Variants in EDA2R observed in about 807,000 individuals in gnomAD.
EDA2R encodes the protein ectodysplasin A2 receptor.
Under a neutral mutation model 20.1 loss-of-function variants are expected in EDA2R, and 26 were observed. The observed-to-expected ratio is 1.30, with a 90% CI of 0.95 to 1.80. EDA2R has a LOEUF of 1.80. EDA2R is among the 40% of genes most tolerant of loss of function. The pLI is 0.00. For synonymous variants in EDA2R, 114 were observed against 88.7 expected (o/e 1.29, Z -1.60); for missense variants, 277 against 228.7 (o/e 1.21, Z -1.36).
chrX:66,600,857 A>C (rs1928463995), intron 5 of EDA2R, among the ~76,000 whole-genome samples: 1 of 112,033 alleles, frequency 8.9e-6, no homozygotes, highest in African/African-American at 3.2e-5. Flanking sequence ...CAGATTTCTG[A>C]ATTCTCTTGA....
chrX:66,615,093 G>A (rs1388256485), intron 2 of EDA2R, among the ~76,000 whole-genome samples: 1 of 111,257 alleles, frequency 9.0e-6, no homozygotes, highest in East Asian at 2.8e-4. Flanking sequence ...TTCATATCCA[G>A]ATTCTTCATT....
Position 66,598,075 on chromosome X carries a change from T to C in EDA2R, c.*29A>G, listed in dbSNP as rs1927778469. 1.0e-6 allele frequency: 1 copy of C among 961,664 alleles called. No individual in the cohort carries two copies. Among genetic ancestry groups the C allele is most frequent in the African/African-American group, 2.0e-5 (1 of 49,820 alleles). The allele number at this position is 961,664 out of a possible 1,213,427, so 79.3% of individuals were successfully genotyped here. On this transcript the variant is annotated 3_prime_UTR_variant, in exon 7 of 7. Coordinates refer to ENST00000374719, the MANE Select transcript of EDA2R (RefSeq NM_021783.5). ...TCCAGAGAGAACAACTGGGCAAGGC[T>C]GCCAGGGGCCCAAGAGACCTAAGGA...
chrX:66,614,956 G>C (rs1189109231), intron 2 of EDA2R, among the ~76,000 whole-genome samples: 1 of 111,023 alleles, frequency 9.0e-6, no homozygotes, highest in Non-Finnish European at 1.9e-5. Context: ...AAAATGCCTA[G>C]TTCATTTTCA....
chrX:66,612,340 C>G (rs1431973900), intron 2 of EDA2R, among the ~76,000 whole-genome samples: 1 of 111,357 alleles, frequency 9.0e-6, no homozygotes, highest in Non-Finnish European at 1.9e-5. Context: ...TAGTAGATGA[C>G]TAAAACAAAT....
chrX:66,604,646 T>C (rs997173317), intron 3 of EDA2R, 140 bp from the exon 4 acceptor site: 1 of 517,812 alleles, frequency 1.9e-6, no homozygotes, highest in Non-Finnish European at 3.1e-6. Flanking sequence ...TATCTGCCTC[T>C]GTGTCTTTTT....
At chrX:66,604,390 G>A in intron 4 of EDA2R, 31 bp downstream of exon 4, 2 of 1,182,000 alleles carry the variant, frequency 1.7e-6, no homozygotes, top group Non-Finnish European at 2.3e-6. Context: ...ATGGGATGAG[G>A]AGAAAGGGAA....
intron 1 of EDA2R, among the ~76,000 whole-genome samples, chrX:66,628,885 C>T (rs1211290110): frequency 9.0e-6 from 1 of 110,787 alleles, no homozygotes; most frequent in African/African-American, 3.3e-5. Flanking sequence ...AAGGACATAA[C>T]CAAAACAGAA....
chrX:66,597,709 G>T lies in EDA2R; in HGVS notation c.*395C>A, dbSNP rs189490989. ...TGTGGAGGAGCTAAAAGGGGAGAAGGGTTTGATTTTGTCCCTAAAGTGCTA... is the reference window on the plus strand; with the variant it reads ...TGTGGAGGAGCTAAAAGGGGAGAAGTGTTTGATTTTGTCCCTAAAGTGCTA... On this transcript the variant is annotated 3_prime_UTR_variant, in exon 7 of 7. Transcript: ENST00000374719. 8 of 135,187 alleles carry T rather than the reference G, an allele frequency of 5.9e-5. No homozygotes were observed. The highest frequency in any genetic ancestry group is 1.0e-4 in the Non-Finnish European group (7 of 67,976). The allele number at this position is 135,187 out of a possible 1,213,427, so 11.1% of individuals were successfully genotyped here.
Position 66,599,677 on chromosome X carries a change from A to G in EDA2R, c.701T>C (p.Phe234Ser). The change falls in exon 6 of 7, where the codon TTT (phenylalanine) becomes TCT (serine). Residue 234 changes from phenylalanine to serine, a missense_variant. By Grantham distance (155) the Phe-to-Ser change is radical (BLOSUM62 -2). Coordinates refer to ENST00000374719, the MANE Select transcript of EDA2R (RefSeq NM_021783.5). The part of the protein sequence containing the change: ...STSGFPTQES[F>S]TMASCTSESH... The stretch of plus-strand genomic sequence containing the variant: ...CTCTGAGGTGCAGGAGGCCATGGTA[A>G]AGGACTCCTGTGTGGGGAAGCCACT... 8.3e-7 allele frequency: 1 copy of G among 1,208,795 alleles called. No individual in the cohort carries two copies. The highest frequency in any genetic ancestry group is 1.1e-6 in the Non-Finnish European group (1 of 894,286).
chrX:66,616,147 G>A, intron 1 of EDA2R, 117 bp from the exon 2 acceptor site: 1 of 480,460 alleles, frequency 2.1e-6, no homozygotes, highest in Non-Finnish European at 3.7e-6. Flanking sequence ...GAGATAGTAG[G>A]GACGAGGAAG....
Position 66,596,401 on chromosome X carries a change from T to C in EDA2R, c.*1703A>G, listed in dbSNP as rs749236762. The C allele has an allele frequency of 5.4e-5, 6 of 111,825 alleles. No individual in the cohort carries two copies. In the East Asian group the frequency reaches 1.1e-3, roughly 21 times the overall value. The allele number at this position is 111,825 out of a possible 1,213,427, so 9.2% of individuals were successfully genotyped here. On this transcript the variant is annotated 3_prime_UTR_variant, in exon 7 of 7. Coordinates refer to ENST00000374719, the MANE Select transcript of EDA2R (RefSeq NM_021783.5). ...ATGCAAAGCCAATTGCCACCTCCAA[T>C]TGCTGAACCTCAAAAAGTTGGAATT... is the stretch of plus-strand genomic sequence containing the variant.
chrX:66,630,664 G>T (rs1255836427), intron 1 of EDA2R, among the ~76,000 whole-genome samples: 1 of 110,754 alleles, frequency 9.0e-6, no homozygotes, highest in Non-Finnish European at 1.9e-5. Context: ...TTGCAAAAAT[G>T]GCCATAATCC....
In EDA2R at chrX:66,597,286, G is replaced by A. The variant is rs989496512; in HGVS notation, c.*818C>T. The A allele has an allele frequency of 1.4e-4, 16 of 112,101 alleles. No individual in the cohort carries two copies. The highest frequency in any genetic ancestry group is 4.9e-4 in the African/African-American group (15 of 30,858). 9.2% of individuals were successfully genotyped at this position (112,101 alleles called of 1,213,427 possible). ...AGGGGAACGGTGGTGAGAAAGCTGG[G>A]ATTGAATTGACATTTCAATAGAAAG... is the stretch of plus-strand genomic sequence containing the variant. On this transcript the variant is annotated 3_prime_UTR_variant, in exon 7 of 7. Coordinates refer to ENST00000374719, the MANE Select transcript of EDA2R (RefSeq NM_021783.5).
At chrX:66,599,947 A>G in intron 5 of EDA2R, 87 bp from the exon 6 acceptor site, 2 of 1,145,296 alleles carry the variant, frequency 1.7e-6, no homozygotes, top group South Asian at 4.1e-5. Flanking sequence ...CAAGACAGGT[A>G]AAGGTCTGGG....
In EDA2R at chrX:66,597,916, T is replaced by A; in HGVS notation, c.*188A>T. 1 of 563,536 alleles carries A rather than the reference T, an allele frequency of 1.8e-6. No individual in the cohort carries two copies. Among genetic ancestry groups the A allele is most frequent in the Non-Finnish European group, 2.4e-6 (1 of 423,410 alleles). The allele number at this position is 563,536 out of a possible 1,213,427, so 46.4% of individuals were successfully genotyped here. A position where few individuals can be genotyped will look rare whatever the true frequency, so the allele number is the denominator to read the frequency against. On this transcript the variant is annotated 3_prime_UTR_variant, in exon 7 of 7. Transcript: ENST00000374719. Reference sequence around the variant, plus strand: ...ACTACAAAAGGGAAGCAAGAAATGCTCCAGATCAGTCCTTGTGAAATGGAG... The same window carrying A: ...ACTACAAAAGGGAAGCAAGAAATGCACCAGATCAGTCCTTGTGAAATGGAG...
chrX:66,595,956 G>GA lies in EDA2R; in HGVS notation c.*2147dup, dbSNP rs1290250827. The GA allele has an allele frequency of 9.3e-6, 1 of 106,963 alleles. No homozygotes were observed. Among genetic ancestry groups the GA allele is most frequent in the East Asian group, 3.0e-4 (1 of 3,365 alleles). 8.8% of individuals were successfully genotyped at this position (106,963 alleles called of 1,213,427 possible). A position where few individuals can be genotyped will look rare whatever the true frequency, so the allele number is the denominator to read the frequency against. On this transcript the variant is annotated 3_prime_UTR_variant, in exon 7 of 7. Coordinates refer to ENST00000374719, the MANE Select transcript of EDA2R (RefSeq NM_021783.5). ...TAACCTGGATCTGAGAATCTTGGAGGAAAAAATTATTTTCCCAGGCTCCCT... is the reference window on the plus strand; with the variant it reads ...TAACCTGGATCTGAGAATCTTGGAGGAAAAAAATTATTTTCCCAGGCTCCCT...
intron 1 of EDA2R, among the ~76,000 whole-genome samples, chrX:66,624,679 A>G (rs960818772): frequency 9.0e-6 from 1 of 111,596 alleles, no homozygotes; most frequent in East Asian, 2.8e-4. Flanking sequence ...ACTCAGATGG[A>G]CAGAGCAGTG....
intron 6 of EDA2R, among the ~76,000 whole-genome samples, chrX:66,599,269 C>A (rs921187656): frequency 1.8e-5 from 2 of 111,370 alleles, no homozygotes; most frequent in Non-Finnish European, 3.8e-5. Context: ...AGTTCCCTGA[C>A]AATTGTAGAC....
intron 1 of EDA2R, among the ~76,000 whole-genome samples, chrX:66,616,592 C>A (rs1267563324): frequency 8.9e-6 from 1 of 112,536 alleles, no homozygotes; most frequent in Non-Finnish European, 1.9e-5. Context: ...GGCCTCAGTA[C>A]CTCTGAGGAC....
Sources: allele counts gnomAD v4.1 joint callset (sites outside exome capture counted in the v4.1 genomes callset), GRCh38; gene constraint gnomAD v4.1.1; transcripts MANE v1.5; gene names NCBI Gene and HGNC (gene_info 2026-07-23, HGNC 2026-07-21).